The following ZBTB20 variants were observed in gnomAD, a reference collection of about 807,000 sequenced individuals.
ZBTB20 encodes zinc finger and BTB domain containing 20, also known as zinc finger and BTB domain-containing protein 20.
Under a neutral mutation model 56.9 loss-of-function variants are expected in ZBTB20, and 9 were observed. That is an observed-to-expected ratio of 0.16 (90% CI 0.10 to 0.28). The LOEUF is 0.28. Ranked by LOEUF, ZBTB20 falls within the 10% of genes least tolerant of loss-of-function variation. ZBTB20 has a pLI of 1.00. For missense variants in ZBTB20, 655 were observed against 1,003.0 expected (o/e 0.65, Z 4.69); for synonymous variants, 417 against 420.7 (o/e 0.99, Z 0.11).
chr3:114,944,460 C>A (rs2076821218), intron 3 of ZBTB20, among the ~76,000 whole-genome samples: 1 of 145,330 alleles, frequency 6.9e-6, no homozygotes, highest in African/African-American at 2.8e-5. Context: ...ACCATATGAT[C>A]CAGTAATTTG....
chr3:114,715,622 G>A (rs1022769511), intron 5 of ZBTB20, among the ~76,000 whole-genome samples: 1 of 152,150 alleles, frequency 6.6e-6, no homozygotes, highest in Non-Finnish European at 1.5e-5. Flanking sequence ...TATATGCAAC[G>A]TTGACCTGAG....
chr3:114,554,568 A>T (rs1251931031), intron 6 of ZBTB20, among the ~76,000 whole-genome samples: 1 of 152,196 alleles, frequency 6.6e-6, no homozygotes, highest in Non-Finnish European at 1.5e-5. Flanking sequence ...GAAGACAAAA[A>T]ACAATAAATT....
At chr3:114,567,060 T>A (rs1444869613) in intron 6 of ZBTB20, among the ~76,000 whole-genome samples, 2 of 152,178 alleles carry the variant, frequency 1.3e-5, no homozygotes, top group Non-Finnish European at 2.9e-5. Flanking sequence ...ATTTTCCTGA[T>A]GTGTGATGGC....
chr3:114,862,896 T>C (rs1239211850), intron 4 of ZBTB20, among the ~76,000 whole-genome samples: 1 of 152,140 alleles, frequency 6.6e-6, no homozygotes, highest in Admixed American at 6.6e-5. Flanking sequence ...CTCTTTACAA[T>C]AAAGTTCATT....
intron 5 of ZBTB20, among the ~76,000 whole-genome samples, chr3:114,763,325 A>C (rs1418268108): frequency 1.3e-5 from 2 of 152,208 alleles, no homozygotes; most frequent in Non-Finnish European, 2.9e-5. Context: ...TGGCTAGTCC[A>C]TAAGAAGAAG....
intron 7 of ZBTB20, among the ~76,000 whole-genome samples, chr3:114,444,261 T>G (rs2091120311): frequency 6.6e-6 from 1 of 152,194 alleles, no homozygotes; most frequent in African/African-American, 2.4e-5. Context: ...TTGTTATTTA[T>G]TTTTTGGTGG....
At chr3:114,777,359 C>T (rs2069681926) in intron 5 of ZBTB20, among the ~76,000 whole-genome samples, 1 of 152,054 alleles carries the variant, frequency 6.6e-6, no homozygotes, top group South Asian at 2.1e-4. Flanking sequence ...ACAAAATTAG[C>T]CGGGCATGGT....
At chr3:114,722,706 T>G (rs2108500557) in intron 5 of ZBTB20, among the ~76,000 whole-genome samples, 1 of 152,316 alleles carries the variant, frequency 6.6e-6, no homozygotes, top group Non-Finnish European at 1.5e-5. Flanking sequence ...TCACACTCTC[T>G]TCCATCCTTT....
intron 6 of ZBTB20, among the ~76,000 whole-genome samples, chr3:114,545,074 TG>T (rs2049704886): frequency 2.6e-5 from 4 of 152,174 alleles, no homozygotes; most frequent in Admixed American, 2.0e-4. Flanking sequence ...TCTTTCTTCC[TG>T]GGGGCATTAT....
intron 4 of ZBTB20, among the ~76,000 whole-genome samples, chr3:114,860,156 A>C (rs916066330): frequency 1.3e-5 from 2 of 152,030 alleles, no homozygotes; most frequent in Non-Finnish European, 2.9e-5. Context: ...AAATACAAAA[A>C]ATTAGCCGGG....
At chr3:114,421,522 G>A (rs10511331) in intron 7 of ZBTB20, among the ~76,000 whole-genome samples, 2 of 152,210 alleles carry the variant, frequency 1.3e-5, no homozygotes, top group East Asian at 3.9e-4. Flanking sequence ...CTTTTGTACT[G>A]GGTCATGCCG....
chr3:114,907,817 G>T (rs1185170817), intron 3 of ZBTB20, among the ~76,000 whole-genome samples: 1 of 151,906 alleles, frequency 6.6e-6, no homozygotes, highest in African/African-American at 2.4e-5. Flanking sequence ...GAACAAAATA[G>T]ATGGAAATTT....
intron 6 of ZBTB20, among the ~76,000 whole-genome samples, chr3:114,619,498 T>G (rs879288284): frequency 7.4e-5 from 11 of 148,056 alleles, no homozygotes; most frequent in East Asian, 3.9e-4. Flanking sequence ...ATATTTTGGG[T>G]TTTTTTTTTA....
At chr3:114,968,073 T>A (rs1433846646) in intron 3 of ZBTB20, among the ~76,000 whole-genome samples, 1 of 152,166 alleles carries the variant, frequency 6.6e-6, no homozygotes, top group Non-Finnish European at 1.5e-5. Context: ...ACCAATGTAC[T>A]ATGCATAAAC....
At chr3:114,811,888 C>T (rs6438222) in intron 4 of ZBTB20, among the ~76,000 whole-genome samples, 21,213 of 141,328 alleles carry the variant, frequency 0.15, 1,946 homozygotes, top group African/African-American at 0.28. Context: ...CTTGGTCTCA[C>T]TGACTTCAAG....
At chr3:114,899,312 A>T (rs1339348651) in intron 4 of ZBTB20, among the ~76,000 whole-genome samples, 3 of 152,146 alleles carry the variant, frequency 2.0e-5, no homozygotes, top group Admixed American at 6.6e-5. Flanking sequence ...GTCCACTAAT[A>T]GCCAAATGCT....
At chr3:115,127,709 G>C (rs1319031271) in intron 1 of ZBTB20, among the ~76,000 whole-genome samples, 4 of 152,152 alleles carry the variant, frequency 2.6e-5, no homozygotes, top group Non-Finnish European at 5.9e-5. Flanking sequence ...ACTTGAAGGA[G>C]AAATCAAATA....
chr3:114,942,104 G>A (rs1276029047), intron 3 of ZBTB20, among the ~76,000 whole-genome samples: 2 of 145,232 alleles, frequency 1.4e-5, no homozygotes, highest in Non-Finnish European at 3.0e-5. Context: ...AAGGAACCTA[G>A]CACCATTATG....
At chr3:115,044,610 CAGA>C (rs2081271065) in intron 2 of ZBTB20, among the ~76,000 whole-genome samples, 1 of 152,132 alleles carries the variant, frequency 6.6e-6, no homozygotes. Flanking sequence ...TGGTGGCTAC[CAGA>C]AGAATTGCTT....
Sources: allele counts gnomAD v4.1 joint callset (sites outside exome capture counted in the v4.1 genomes callset), GRCh38; gene constraint gnomAD v4.1.1; transcripts MANE v1.5; gene names NCBI Gene and HGNC (gene_info 2026-07-23, HGNC 2026-07-21).